The following UGT1A10 variants were observed in gnomAD, a reference collection of about 807,000 sequenced individuals.
UGT1A10 encodes the protein UDP-glucuronosyltransferase 1A10.
A neutral mutation model predicts 45.8 loss-of-function variants in UGT1A10; 49 were observed. The observed-to-expected ratio is 1.07, with a 90% CI of 0.85 to 1.36. The LOEUF is 1.36. Ranked by LOEUF, UGT1A10 falls within the 40% of genes most tolerant of loss-of-function variation. UGT1A10 has a pLI of 0.00. For synonymous variants in UGT1A10, 284 were observed against 249.7 expected (o/e 1.14, Z -1.29); for missense variants, 745 against 668.6 (o/e 1.11, Z -1.26).
At chr2:233,767,774 T>A in intron 2 of UGT1A10, 75 bp from the exon 3 acceptor site, 1 of 1,612,214 alleles carries the variant, frequency 6.2e-7, no homozygotes, top group Non-Finnish European at 8.5e-7. Context: ...CCCTGTTTTC[T>A]AGTTAGTATA....
At chr2:233,720,792 A>C (rs1575534792) in intron 1 of UGT1A10, among the ~76,000 whole-genome samples, 4 of 135,258 alleles carry the variant, frequency 3.0e-5, no homozygotes, top group Non-Finnish European at 4.7e-5. Flanking sequence ...TGCAACCTTC[A>C]CCTCCCGGGT....
Position 233,769,822 on chromosome 2 carries a change from T to A in UGT1A10, c.1295+1383T>A. The A allele has an allele frequency of 2.6e-6, 2 of 764,522 alleles. No homozygotes were observed. The highest frequency in any genetic ancestry group is 1.9e-6 in the Non-Finnish European group (1 of 538,240). The allele number at this position is 764,522 out of a possible 1,614,324, so 47.4% of individuals were successfully genotyped here. On this transcript the variant is annotated intron_variant, in intron 4 of 4. Coordinates refer to ENST00000344644, the MANE Select transcript of UGT1A10 (RefSeq NM_019075.4). The surrounding 1 kb of genome is among the most constrained non-coding windows in gnomAD (Gnocchi z 4.4). ...ATGAGCCGTGATCATGCCACTGCAC[T>A]CCAGCAACCTGGGCAACAGAGTGAG... is the stretch of plus-strand genomic sequence containing the variant.
At chr2:233,702,200 C>T (rs1204351976) in intron 1 of UGT1A10, among the ~76,000 whole-genome samples, 1 of 152,172 alleles carries the variant, frequency 6.6e-6, no homozygotes. Flanking sequence ...CCCTGGCAGC[C>T]ATTAATCAAC....
At chr2:233,738,080 T>G (rs527833825) in intron 1 of UGT1A10, among the ~76,000 whole-genome samples, 181 of 152,280 alleles carry the variant, frequency 1.2e-3, no homozygotes, top group African/African-American at 4.2e-3. Context: ...CCTCCTAATC[T>G]CATCATAGTG....
At chr2:233,721,705 T>G in intron 1 of UGT1A10, 1 of 371,450 alleles carries the variant, frequency 2.7e-6, no homozygotes, top group South Asian at 2.1e-5. Flanking sequence ...ATGGCTCATC[T>G]TGGATGCTTT....
chr2:233,700,788 T>C (rs992133677), intron 1 of UGT1A10, among the ~76,000 whole-genome samples: 2 of 152,148 alleles, frequency 1.3e-5, no homozygotes, highest in African/African-American at 4.8e-5. Flanking sequence ...TTGTTACATA[T>C]GTATACATGT....
At chr2:233,650,456 G>C (rs2073711380) in intron 1 of UGT1A10, among the ~76,000 whole-genome samples, 1 of 152,202 alleles carries the variant, frequency 6.6e-6, no homozygotes, top group African/African-American at 2.4e-5. Context: ...GCTGTTAATT[G>C]TCAGTCTTCT....
At chr2:233,690,635 G>A in intron 1 of UGT1A10, 1 of 1,288,442 alleles carries the variant, frequency 7.8e-7, no homozygotes, top group Non-Finnish European at 1.0e-6. Context: ...TGATACCTGA[G>A]GACACCTTGA....
At chr2:233,677,109 G>A (rs1007638228) in intron 1 of UGT1A10, among the ~76,000 whole-genome samples, 1 of 151,972 alleles carries the variant, frequency 6.6e-6, no homozygotes, top group African/African-American at 2.4e-5. Context: ...GATTGGGATT[G>A]TATTTTATTT....
At chr2:233,694,982 G>A (rs2075253119) in intron 1 of UGT1A10, among the ~76,000 whole-genome samples, 1 of 152,086 alleles carries the variant, frequency 6.6e-6, no homozygotes, top group East Asian at 1.9e-4. Context: ...TCCTTATGTT[G>A]GGAACATTCC....
At chr2:233,647,255 G>A (rs2073629601) in intron 1 of UGT1A10, among the ~76,000 whole-genome samples, 1 of 152,102 alleles carries the variant, frequency 6.6e-6, no homozygotes. Flanking sequence ...CTTTGGGTGG[G>A]GACACAGCCA....
chr2:233,756,334 A>G (rs1057243294), intron 1 of UGT1A10: 3 of 152,176 alleles, frequency 2.0e-5, no homozygotes, highest in African/African-American at 7.2e-5. Context: ...ACCTCTAGTC[A>G]TCTCTTGATT....
chr2:233,762,622 T>A (rs772893097), intron 1 of UGT1A10, among the ~76,000 whole-genome samples: 3 of 152,196 alleles, frequency 2.0e-5, no homozygotes, highest in Non-Finnish European at 4.4e-5. Context: ...TGTTGTGACC[T>A]CAAACACTTC....
chr2:233,740,376 T>C lies in UGT1A10; in HGVS notation c.856-26658T>C, dbSNP rs543256832. On this transcript the variant is annotated intron_variant, in intron 1 of 4. Coordinates refer to ENST00000344644, the MANE Select transcript of UGT1A10 (RefSeq NM_019075.4). Reference sequence around the variant, plus strand: ...AATTAGAAATTCCTAGAAAGGTAAGTTGTTGTGTGAATTATTTCCCAAAAT... The same window carrying C: ...AATTAGAAATTCCTAGAAAGGTAAGCTGTTGTGTGAATTATTTCCCAAAAT... 9.3e-4 allele frequency among the ~76,000 whole-genome samples: 142 copies of C among 151,968 alleles called. No homozygotes were observed. In the South Asian group the frequency reaches 0.011, roughly 12 times the overall value.
At chr2:233,703,200 C>A (rs1199767775) in intron 1 of UGT1A10, among the ~76,000 whole-genome samples, 1 of 152,068 alleles carries the variant, frequency 6.6e-6, no homozygotes, top group African/African-American at 2.4e-5. Context: ...AGGAATTTGT[C>A]AATTTTATCT....
chr2:233,726,932 C>A (rs1467688667), intron 1 of UGT1A10, among the ~76,000 whole-genome samples: 1 of 151,974 alleles, frequency 6.6e-6, no homozygotes, highest in East Asian at 1.9e-4. Flanking sequence ...TTCCTTTTTT[C>A]ATTTTTAAAA....
intron 1 of UGT1A10, chr2:233,719,143 A>T: frequency 6.2e-7 from 1 of 1,614,250 alleles, no homozygotes; most frequent in Non-Finnish European, 8.5e-7. Flanking sequence ...CATCTTCTGA[A>T]GAGATATTCT....
chr2:233,647,031 A>G (rs79639014), intron 1 of UGT1A10, among the ~76,000 whole-genome samples: 1 of 152,226 alleles, frequency 6.6e-6, no homozygotes, highest in Non-Finnish European at 1.5e-5. Context: ...GGCAAAAGTC[A>G]AGAAGGAGAA....
chr2:233,719,580 G>C, intron 1 of UGT1A10: 1 of 1,613,916 alleles, frequency 6.2e-7, no homozygotes, highest in Non-Finnish European at 8.5e-7. Context: ...CTATGCATCC[G>C]TGTGGCTGTT....
Sources: gnomAD v4.1 joint callset for allele counts (sites outside exome capture counted in the v4.1 genomes callset) on GRCh38, gnomAD v4.1.1 for gene constraint, Gnocchi (gnomAD v3.1) non-coding constraint, MANE v1.5 for transcripts, NCBI Gene and HGNC (gene_info 2026-07-23, HGNC 2026-07-21) for gene names.